Variants in PARD3 observed in about 807,000 individuals in gnomAD.
The protein encoded by PARD3 is par-3 family cell polarity regulator.
PARD3 carries 75 observed loss-of-function variants against 155.4 expected under a neutral mutation model. That is an observed-to-expected ratio of 0.48 (90% CI 0.40 to 0.58). The LOEUF (loss-of-function observed/expected upper bound fraction) is 0.58. Ranked by LOEUF, PARD3 falls within the 20% of genes least tolerant of loss-of-function variation. PARD3 has a pLI of 0.00. For missense variants in PARD3, 1,642 were observed against 1,721.7 expected (o/e 0.95, Z 0.82); for synonymous variants, 576 against 610.5 (o/e 0.94, Z 0.83).
At chr10:34,508,066 T>C (rs1285975373) in intron 3 of PARD3, among the ~76,000 whole-genome samples, 1 of 152,128 alleles carries the variant, frequency 6.6e-6, no homozygotes, top group African/African-American at 2.4e-5. Context: ...ATATGCTTGC[T>C]AAGAAAAAAA....
At chr10:34,781,542 T>A (rs909334518) in intron 1 of PARD3, among the ~76,000 whole-genome samples, 1 of 152,052 alleles carries the variant, frequency 6.6e-6, no homozygotes, top group Non-Finnish European at 1.5e-5. Flanking sequence ...TAGGAAAAGG[T>A]TAGTATGGTT....
At chr10:34,684,820 C>T (rs11009866) in intron 2 of PARD3, among the ~76,000 whole-genome samples, 13,646 of 125,476 alleles carry the variant, frequency 0.11, 755 homozygotes, top group Non-Finnish European at 0.14. Context: ...CACACACACA[C>T]ACACACACAC....
At chr10:34,435,801 G>A (rs1467687064) in intron 5 of PARD3, among the ~76,000 whole-genome samples, 3 of 152,130 alleles carry the variant, frequency 2.0e-5, no homozygotes, top group Non-Finnish European at 4.4e-5. Context: ...ATATACTAAG[G>A]GAAGAAAACA....
intron 2 of PARD3, among the ~76,000 whole-genome samples, chr10:34,685,185 G>A (rs557757368): frequency 6.6e-6 from 1 of 152,220 alleles, no homozygotes; most frequent in South Asian, 2.1e-4. Flanking sequence ...ATGTATTTAT[G>A]AATAACTAAA....
rs981269401 is a variant in PARD3 at position 34,503,151 on chromosome 10, T to C, written c.403+13828A>G. 2.0e-5 allele frequency among the ~76,000 whole-genome samples: 3 copies of C among 152,216 alleles called. No homozygotes were observed. In the South Asian group the frequency reaches 6.2e-4, roughly 32 times the overall value. On this transcript the variant is annotated intron_variant, in intron 3 of 24. Transcript: ENST00000374788. The stretch of plus-strand genomic sequence containing the variant: ...GGTTTTCCTTGTTCTAAGCCACAAA[T>C]CATTAGGCTATAACATCTCTGCCAA...
At chr10:34,690,795 C>T (rs1482353622) in intron 2 of PARD3, among the ~76,000 whole-genome samples, 1 of 152,228 alleles carries the variant, frequency 6.6e-6, no homozygotes, top group African/African-American at 2.4e-5. Context: ...AACAGGCGTG[C>T]TCATCTCAGC....
At position 34,360,282 on chromosome 10, in the gene PARD3, A is replaced by G. The variant is rs764938677; in HGVS notation, c.1708-23T>C. 10 of 1,518,612 alleles carry G rather than the reference A, an allele frequency of 6.6e-6. No homozygotes were observed. The South Asian group carries it at 1.1e-4, about 17-fold the overall frequency. The allele number at this position is 1,518,612 out of a possible 1,614,324, so 94.1% of individuals were successfully genotyped here. A position where few individuals can be genotyped will look rare whatever the true frequency, so the allele number is the denominator to read the frequency against. On this transcript the variant is annotated intron_variant, in intron 12 of 24. Transcript: ENST00000374788. ...TTTCTAATAGGGAACAAAATTGCAC[A>G]GCACATTATAGTCCAATGTTTCTTT...
At chr10:34,727,888 ACACACACACACAC>A (rs2094746408) in intron 1 of PARD3, among the ~76,000 whole-genome samples, 1 of 87,184 alleles carries the variant, frequency 1.1e-5, no homozygotes, top group African/African-American at 3.1e-5. Flanking sequence ...CCACACACAC[ACACACACACACAC>A]ACACACCACT....
At chr10:34,543,515 T>C (rs2083805988) in intron 2 of PARD3, among the ~76,000 whole-genome samples, 1 of 152,170 alleles carries the variant, frequency 6.6e-6, no homozygotes, top group Admixed American at 6.5e-5. Flanking sequence ...GTGCAACCTG[T>C]TCCCAGGCAA....
chr10:34,658,957 T>C (rs1241860004), intron 2 of PARD3, among the ~76,000 whole-genome samples: 3 of 152,228 alleles, frequency 2.0e-5, no homozygotes, highest in Non-Finnish European at 4.4e-5. Context: ...ACAGAAGACA[T>C]GCTAAATTTA....
chr10:34,749,623 C>CA (rs1256991393), intron 1 of PARD3, among the ~76,000 whole-genome samples: 1 of 151,930 alleles, frequency 6.6e-6, no homozygotes, highest in Non-Finnish European at 1.5e-5. Context: ...TAAAAAGTGA[C>CA]AAAAAAGAAG....
chr10:34,250,154 T>C (rs112539593), intron 22 of PARD3, among the ~76,000 whole-genome samples: 14,613 of 147,952 alleles, frequency 0.099, 923 homozygotes, highest in African/African-American at 0.12. Flanking sequence ...CTGCTCCCCC[T>C]CCACACACAC....
intron 4 of PARD3, among the ~76,000 whole-genome samples, chr10:34,464,743 C>G (rs945446098): frequency 1.6e-4 from 25 of 152,130 alleles, no homozygotes; most frequent in African/African-American, 5.6e-4. Context: ...TCTCTCAATA[C>G]AGCAGAAATT....
intron 20 of PARD3, among the ~76,000 whole-genome samples, chr10:34,316,708 T>TTG: frequency 6.6e-6 from 1 of 152,196 alleles, no homozygotes; most frequent in African/African-American, 2.4e-5. Flanking sequence ...GATACAGACA[T>TTG]GTCCCTCCTA....
At chr10:34,686,252 C>A in intron 2 of PARD3, among the ~76,000 whole-genome samples, 1 of 152,084 alleles carries the variant, frequency 6.6e-6, no homozygotes, top group Non-Finnish European at 1.5e-5. Flanking sequence ...TGGATAATAA[C>A]TTACAACCTC....
chr10:34,804,428 T>C (rs187883617), intron 1 of PARD3, among the ~76,000 whole-genome samples: 132 of 152,352 alleles, frequency 8.7e-4, no homozygotes, highest in Non-Finnish European at 1.0e-3. Context: ...TTAATGAATT[T>C]AGTGATTAGT....
intron 2 of PARD3, among the ~76,000 whole-genome samples, chr10:34,528,967 T>C (rs2082655898): frequency 6.6e-6 from 1 of 152,198 alleles, no homozygotes; most frequent in African/African-American, 2.4e-5. Context: ...GGTGCCATTA[T>C]GAAGGAAAAT....
chr10:34,323,957 AG>A (rs1958530209), intron 19 of PARD3, among the ~76,000 whole-genome samples: 1 of 152,246 alleles, frequency 6.6e-6, no homozygotes, highest in South Asian at 2.1e-4. Flanking sequence ...TCTGACCGAA[AG>A]GGCTGGCTAC....
At chr10:34,311,225 C>CT (rs1185450191) in intron 20 of PARD3, among the ~76,000 whole-genome samples, 1 of 152,122 alleles carries the variant, frequency 6.6e-6, no homozygotes, top group Non-Finnish European at 1.5e-5. Context: ...CCACAATACC[C>CT]TTTATCAGAT....
Sources: allele counts gnomAD v4.1 joint callset (sites outside exome capture counted in the v4.1 genomes callset), GRCh38; gene constraint gnomAD v4.1.1; transcripts MANE v1.5; gene names NCBI Gene and HGNC (gene_info 2026-07-23, HGNC 2026-07-21).